The following IL1RAP variants were observed in gnomAD, a reference collection of about 807,000 sequenced individuals.
The protein encoded by IL1RAP is interleukin 1 receptor accessory protein.
Under a neutral mutation model 60.7 loss-of-function variants are expected in IL1RAP, and 35 were observed. The ratio of observed to expected loss-of-function variants is 0.58; its 90% CI spans 0.44 to 0.76. IL1RAP has a LOEUF of 0.76. Ranked by LOEUF, IL1RAP falls within the 30% of genes least tolerant of loss-of-function variation. The probability of loss-of-function intolerance (pLI) is 0.00; values close to 1 mark genes in which losing one functional copy is unlikely to be tolerated. For synonymous variants in IL1RAP, 268 were observed against 250.9 expected (o/e 1.07, Z -0.64); for missense variants, 572 against 693.9 (o/e 0.82, Z 1.97).
In IL1RAP at chr3:190,586,316, C is replaced by G. The variant is rs189996684; in HGVS notation, c.65-17812C>G. 1.1e-4 allele frequency among the ~76,000 whole-genome samples: 17 copies of G among 152,302 alleles called. No homozygotes were observed. In the East Asian group the frequency reaches 3.3e-3, roughly 29 times the overall value. On this transcript the variant is annotated intron_variant, in intron 3 of 11. Transcript: ENST00000447382. ...CTTGTATCTTTATCCCTCGTTGGAG[C>G]CTAACATAAACTGTTGCATGTGGTA...
At chr3:190,548,380 G>A (rs1724568679) in intron 1 of IL1RAP, among the ~76,000 whole-genome samples, 1 of 151,984 alleles carries the variant, frequency 6.6e-6, no homozygotes, top group African/African-American at 2.4e-5. Flanking sequence ...CATCCTATGA[G>A]GTAATCCTTA....
At chr3:190,656,046 G>A, downstream of IL1RAP, 1 of 1,537,222 alleles carries the variant, frequency 6.5e-7, no homozygotes, top group Non-Finnish European at 8.7e-7. Flanking sequence ...TTGTGGTTGA[G>A]TACCGTCCCC....
chr3:190,653,697 C>A (rs945132266), downstream of IL1RAP, among the ~76,000 whole-genome samples: 1 of 152,038 alleles, frequency 6.6e-6, no homozygotes, highest in Non-Finnish European at 1.5e-5. Flanking sequence ...CAATTTAGTA[C>A]CACACAAGAA....
intron 1 of IL1RAP, among the ~76,000 whole-genome samples, chr3:190,535,864 A>G (rs1037929350): frequency 6.6e-6 from 1 of 152,160 alleles, no homozygotes; most frequent in Non-Finnish European, 1.5e-5. Context: ...CAGGTCTCCT[A>G]TGGTCAAGGA....
intron 3 of IL1RAP, among the ~76,000 whole-genome samples, chr3:190,573,432 T>C (rs944378172): frequency 1.3e-5 from 2 of 152,182 alleles, no homozygotes; most frequent in Non-Finnish European, 1.5e-5. Flanking sequence ...GAGGAGGGTG[T>C]AGCTTTACTT....
intron 5 of IL1RAP, among the ~76,000 whole-genome samples, chr3:190,617,500 G>A (rs1731380962): frequency 6.6e-6 from 1 of 152,174 alleles, no homozygotes; most frequent in Non-Finnish European, 1.5e-5. Context: ...TCAGAATGAG[G>A]AACTAATGGG....
At chr3:190,548,865 T>G (rs1724608085) in intron 1 of IL1RAP, among the ~76,000 whole-genome samples, 1 of 152,190 alleles carries the variant, frequency 6.6e-6, no homozygotes, top group Non-Finnish European at 1.5e-5. Flanking sequence ...ATCATCTGTA[T>G]CTTGTGGATT....
intron 1 of IL1RAP, among the ~76,000 whole-genome samples, chr3:190,522,307 TTCCTTCCTTCCTTCCTTCC>T (rs1348387630): frequency 2.2e-4 from 25 of 112,458 alleles, no homozygotes; most frequent in African/African-American, 1.7e-3. Context: ...CCTTCCTTCC[TTCCTTCCTTCCTTCCTTCC>T]TTCCTTCCTT....
intron 1 of IL1RAP, among the ~76,000 whole-genome samples, chr3:190,526,769 T>C (rs935915214): frequency 2.0e-5 from 3 of 152,258 alleles, no homozygotes; most frequent in African/African-American, 7.2e-5. Context: ...TCAAACATGA[T>C]TACAATTATG....
At chr3:190,620,565 G>C in intron 6 of IL1RAP, 125 bp downstream of exon 6, 1 of 823,580 alleles carries the variant, frequency 1.2e-6, no homozygotes, top group Non-Finnish European at 1.9e-6. Flanking sequence ...TTTGTTTACA[G>C]TACTGTCTCT....
At chr3:190,540,759 G>T (rs1459256289) in intron 1 of IL1RAP, among the ~76,000 whole-genome samples, 2 of 152,030 alleles carry the variant, frequency 1.3e-5, no homozygotes, top group Admixed American at 1.3e-4. Context: ...AAGAGAGAAA[G>T]AAAACAAATC....
At chr3:190,591,738 G>C (rs1198627154) in intron 3 of IL1RAP, among the ~76,000 whole-genome samples, 3 of 152,076 alleles carry the variant, frequency 2.0e-5, no homozygotes, top group African/African-American at 7.2e-5. Flanking sequence ...AAAGCTGTTT[G>C]ATTATTATAT....
At chr3:190,641,944 T>A (rs1733690290) in intron 9 of IL1RAP, among the ~76,000 whole-genome samples, 1 of 152,216 alleles carries the variant, frequency 6.6e-6, no homozygotes, top group African/African-American at 2.4e-5. Flanking sequence ...TTTCTTGTTT[T>A]AAGGTGCCAT....
rs140789844 is a variant in IL1RAP at position 190,571,494 on chromosome 3, C to T, written c.64+7141C>T. On this transcript the variant is annotated intron_variant, in intron 3 of 11. Coordinates refer to ENST00000447382, the MANE Select transcript of IL1RAP (RefSeq NM_002182.4). ...TCACGCCACTGCACTCCAGCCTGGGCGACAGAACAAGACCCTGTCTCTCTC... is the reference window on the plus strand; with the variant it reads ...TCACGCCACTGCACTCCAGCCTGGGTGACAGAACAAGACCCTGTCTCTCTC... Among the ~76,000 whole-genome samples the T allele has an allele frequency of 1.9e-3, 282 of 152,056 alleles. 3 individuals carry two copies. The highest frequency in any genetic ancestry group is 6.3e-3 in the African/African-American group (262 of 41,454).
downstream of IL1RAP, among the ~76,000 whole-genome samples, chr3:190,651,713 CTT>C (rs1327180886): frequency 6.6e-6 from 1 of 151,952 alleles, no homozygotes; most frequent in Admixed American, 6.6e-5. Context: ...GTAAAAGTTA[CTT>C]AAGTAAAATG....
At chr3:190,574,858 C>T (rs1347373713) in intron 3 of IL1RAP, among the ~76,000 whole-genome samples, 2 of 152,130 alleles carry the variant, frequency 1.3e-5, no homozygotes, top group Non-Finnish European at 2.9e-5. Context: ...AGCAAGTACA[C>T]AAAAGTATGG....
At chr3:190,625,799 T>C (rs982763407) in intron 7 of IL1RAP, among the ~76,000 whole-genome samples, 3 of 152,208 alleles carry the variant, frequency 2.0e-5, no homozygotes, top group East Asian at 1.9e-4. Flanking sequence ...TATATAGTCA[T>C]ATGAATACTC....
Position 190,648,625 on chromosome 3 carries a change from G to A in IL1RAP, c.1633G>A (p.Ala545Thr). The A allele has an allele frequency of 6.2e-7, 1 of 1,614,164 alleles. No homozygotes were observed. The highest frequency in any genetic ancestry group is 8.5e-7 in the Non-Finnish European group (1 of 1,180,024). ...QGRFWKQLQV[A>T]MPVKKSPRRS... ...CAGGTTCTGGAAGCAGCTGCAGGTGGCCATGCCAGTGAAGAAAAGTCCCAG... is the reference window on the plus strand; with the variant it reads ...CAGGTTCTGGAAGCAGCTGCAGGTGACCATGCCAGTGAAGAAAAGTCCCAG... The change falls in exon 12 of 12, where the codon GCC becomes ACC. Residue 545 changes from alanine to threonine, a missense_variant. Transcript: ENST00000447382.
chr3:190,650,019 A>G lies in IL1RAP; in HGVS notation c.*1314A>G, dbSNP rs1734300506. The G allele has an allele frequency of 1.7e-6, 1 of 573,084 alleles. No homozygotes were observed. The highest frequency in any genetic ancestry group is 1.5e-4 in the East Asian group (1 of 6,882). The allele number at this position is 573,084 out of a possible 1,614,324, so 35.5% of individuals were successfully genotyped here. A position where few individuals can be genotyped will look rare whatever the true frequency, so the allele number is the denominator to read the frequency against. Reference sequence around the variant, plus strand: ...TATATATATACATATCCACACACATACATTACATATATCTGTGTATATAAA... The same window carrying G: ...TATATATATACATATCCACACACATGCATTACATATATCTGTGTATATAAA... On this transcript the variant is annotated 3_prime_UTR_variant, in exon 12 of 12. Transcript: ENST00000447382.
Sources: allele counts gnomAD v4.1 joint callset (sites outside exome capture counted in the v4.1 genomes callset), GRCh38; gene constraint gnomAD v4.1.1; transcripts MANE v1.5; gene names NCBI Gene and HGNC (gene_info 2026-07-23, HGNC 2026-07-21).